The following PRLR variants were observed in gnomAD, a reference collection of about 807,000 sequenced individuals.
PRLR encodes the protein hPRL receptor.
In PRLR, 13 loss-of-function variants were observed where a neutral mutation model predicts 40.2. The observed-to-expected ratio is 0.32, with a 90% CI of 0.21 to 0.51. PRLR has a LOEUF of 0.51. Among genes scored for constraint, PRLR ranks in the 20% least tolerant of loss-of-function variants. The pLI, the probability that PRLR is intolerant of heterozygous loss-of-function variation, is 0.97. For synonymous variants in PRLR, 269 were observed against 278.7 expected (o/e 0.97, Z 0.35); for missense variants, 656 against 747.3 (o/e 0.88, Z 1.42).
At chr5:35,169,327 CA>C (rs1300765598) in intron 1 of PRLR, among the ~76,000 whole-genome samples, 1 of 151,982 alleles carries the variant, frequency 6.6e-6, no homozygotes, top group Non-Finnish European at 1.5e-5. Context: ...ATCAGTAAGG[CA>C]AAAATATACT....
At chr5:35,140,648 T>G (rs183625252) in intron 1 of PRLR, among the ~76,000 whole-genome samples, 1 of 152,260 alleles carries the variant, frequency 6.6e-6, no homozygotes, top group African/African-American at 2.4e-5. Flanking sequence ...CCTTATGATG[T>G]GGGGGGAGGA....
At chr5:35,082,193 C>T (rs1473203854) in intron 5 of PRLR, among the ~76,000 whole-genome samples, 1 of 152,042 alleles carries the variant, frequency 6.6e-6, no homozygotes, top group Non-Finnish European at 1.5e-5. Context: ...GTCCCCTGTA[C>T]TAAAAAAAGA....
chr5:35,180,585 C>T (rs1319660690), intron 1 of PRLR, among the ~76,000 whole-genome samples: 2 of 152,004 alleles, frequency 1.3e-5, no homozygotes, highest in African/African-American at 2.4e-5. Context: ...TTTCTTTTCC[C>T]CCCTTTTTTT....
intron 5 of PRLR, among the ~76,000 whole-genome samples, chr5:35,077,152 A>G (rs575844452): frequency 7.9e-5 from 12 of 152,194 alleles, no homozygotes; most frequent in Non-Finnish European, 1.5e-4. Context: ...GAGCAAAATA[A>G]CCAGCTAATA....
intron 4 of PRLR, among the ~76,000 whole-genome samples, 198 bp from the exon 5 acceptor site, chr5:35,084,837 G>A (rs1057220789): frequency 1.3e-5 from 2 of 152,152 alleles, no homozygotes; most frequent in African/African-American, 2.4e-5. Flanking sequence ...TGTTGGAAAG[G>A]TTATTTTAGG....
At chr5:35,173,808 TTTG>T (rs996594185) in intron 1 of PRLR, among the ~76,000 whole-genome samples, 6 of 152,196 alleles carry the variant, frequency 3.9e-5, no homozygotes, top group African/African-American at 9.6e-5. Context: ...GTAGTTTTTT[TTTG>T]TTGTTGTTTC....
chr5:35,206,446 T>A (rs770210184), intron 1 of PRLR, among the ~76,000 whole-genome samples: 1 of 152,086 alleles, frequency 6.6e-6, no homozygotes, highest in Non-Finnish European at 1.5e-5. Flanking sequence ...GCTGAACAGA[T>A]CACATAATTC....
intron 2 of PRLR, among the ~76,000 whole-genome samples, chr5:35,117,696 G>A (rs562172130): frequency 6.6e-6 from 1 of 152,262 alleles, no homozygotes; most frequent in South Asian, 2.1e-4. Context: ...ATAAAAGCAA[G>A]CACAATATTT....
At chr5:35,108,580 CAGAA>C (rs1772430333) in intron 2 of PRLR, among the ~76,000 whole-genome samples, 1 of 152,134 alleles carries the variant, frequency 6.6e-6, no homozygotes, top group Non-Finnish European at 1.5e-5. Context: ...AAGAGATAAA[CAGAA>C]AGCCAAATCA....
rs1769202002 is a variant in PRLR at position 35,064,097 on chromosome 5, T to G, written c.*992A>C. The G allele has an allele frequency of 6.6e-6, 1 of 152,212 alleles. No individual in the cohort carries two copies. The highest frequency in any genetic ancestry group is 2.4e-5 in the African/African-American group (1 of 41,458). The allele number at this position is 152,212 out of a possible 1,614,324, so 9.4% of individuals were successfully genotyped here. Reference sequence around the variant, plus strand: ...ATTATAACCTTGCAGCAGAAAATACTGTACCCACTGAATACATAAACAGCT... The same window carrying G: ...ATTATAACCTTGCAGCAGAAAATACGGTACCCACTGAATACATAAACAGCT... On this transcript the variant is annotated 3_prime_UTR_variant, in exon 10 of 10. Coordinates refer to ENST00000618457, the MANE Select transcript of PRLR (RefSeq NM_000949.7).
chr5:35,211,541 A>ATC (rs1192786675), intron 1 of PRLR, among the ~76,000 whole-genome samples: 21 of 152,362 alleles, frequency 1.4e-4, no homozygotes, highest in African/African-American at 5.0e-4. Context: ...CAGGATAAAT[A>ATC]GACTTACTTC....
chr5:35,065,904 C>T lies in PRLR; in HGVS notation c.1054G>A (p.Gly352Arg). The change falls in exon 10 of 10, where the codon GGG becomes AGG. Residue 352 changes from glycine to arginine, a missense_variant. Transcript: ENST00000618457. ...AAAAGGGAAGGGCTGTCACAGCTCC[C>T]CCGGCCTGAGTCAGTGTCAGGATCC... Reference protein sequence around the residue: ...YLDPDTDSGRGSCDSPSLLSE... With the variant: ...YLDPDTDSGRRSCDSPSLLSE... 6.2e-7 allele frequency: 1 copy of T among 1,614,136 alleles called. No homozygotes were observed. The highest frequency in any genetic ancestry group is 8.5e-7 in the Non-Finnish European group (1 of 1,180,022).
At chr5:35,158,674 A>G (rs1774581205) in intron 1 of PRLR, among the ~76,000 whole-genome samples, 1 of 152,094 alleles carries the variant, frequency 6.6e-6, no homozygotes, top group Non-Finnish European at 1.5e-5. Flanking sequence ...TAAGTCCAAG[A>G]GTGAGAACAT....
chr5:35,202,689 A>G (rs1330408735), intron 1 of PRLR, among the ~76,000 whole-genome samples: 1 of 152,178 alleles, frequency 6.6e-6, no homozygotes, highest in African/African-American at 2.4e-5. Flanking sequence ...AGATTAAATT[A>G]GTGTCTTTTA....
Position 35,065,858 on chromosome 5 carries a change from G to T in PRLR, c.1100C>A (p.Pro367His), listed in dbSNP as rs1769336216. Residue 367 changes from proline to histidine, a missense_variant, in exon 10 of 10, where the codon CCC becomes CAC. Transcript: ENST00000618457. ...PSLLSEKCEE[P>H]QANPSTFYDP... is the part of the protein sequence containing the mutation. ...ATAGAATGTGGAGGGATTGGCCTGG[G>T]GTTCCTCACACTTTTCAGACAAAAG... The T allele has an allele frequency of 1.2e-6, 2 of 1,614,094 alleles. No individual in the cohort carries two copies. Among genetic ancestry groups the T allele is most frequent in the Non-Finnish European group, 8.5e-7 (1 of 1,180,014 alleles).
At chr5:35,211,516 G>A (rs79760761) in intron 1 of PRLR, among the ~76,000 whole-genome samples, 4,431 of 152,270 alleles carry the variant, frequency 0.029, 86 homozygotes, top group Middle Eastern at 0.071. Flanking sequence ...TGGTTAATAC[G>A]AAGACAGATA....
At chr5:35,170,179 G>A (rs1445813689) in intron 1 of PRLR, among the ~76,000 whole-genome samples, 1 of 152,202 alleles carries the variant, frequency 6.6e-6, no homozygotes, top group African/African-American at 2.4e-5. Flanking sequence ...TAGATGCTAT[G>A]TGCTGCAATA....
intron 1 of PRLR, among the ~76,000 whole-genome samples, chr5:35,170,955 TA>T (rs1451300011): frequency 3.9e-5 from 6 of 151,994 alleles, no homozygotes; most frequent in Non-Finnish European, 7.4e-5. Context: ...GATGAAGGTT[TA>T]AAATTTAGTG....
chr5:35,144,523 G>A (rs961155189), intron 1 of PRLR, among the ~76,000 whole-genome samples: 13 of 152,130 alleles, frequency 8.5e-5, no homozygotes, highest in Middle Eastern at 3.4e-3. Context: ...GCACAATCTC[G>A]GCTCACTGCA....
Sources: gnomAD v4.1 joint callset for allele counts (sites outside exome capture counted in the v4.1 genomes callset) on GRCh38, gnomAD v4.1.1 for gene constraint, MANE v1.5 for transcripts, NCBI Gene and HGNC (gene_info 2026-07-23, HGNC 2026-07-21) for gene names.